The following UBE2L3 variants were observed in gnomAD, a reference collection of about 807,000 sequenced individuals.
UBE2L3 encodes the protein ubiquitin-conjugating enzyme E2 L3.
In UBE2L3, 1 loss-of-function variant was observed where a neutral mutation model predicts 17.8. That is an observed-to-expected ratio of 0.06 (90% CI 0.02 to 0.27). The LOEUF (loss-of-function observed/expected upper bound fraction) is 0.27, where lower values mean the gene tolerates loss of function less well. Among genes scored for constraint, UBE2L3 ranks in the 10% least tolerant of loss-of-function variants. The probability of loss-of-function intolerance (pLI) is 1.00; values close to 1 mark genes in which losing one functional copy is unlikely to be tolerated. For missense variants in UBE2L3, 40 were observed against 192.6 expected (o/e 0.21, Z 4.69); for synonymous variants, 44 against 68.5 (o/e 0.64, Z 1.76).
intron 1 of UBE2L3, among the ~76,000 whole-genome samples, chr22:21,574,699 G>T (rs1425906757): frequency 6.6e-6 from 1 of 152,200 alleles, no homozygotes; most frequent in Non-Finnish European, 1.5e-5. Context: ...AGGCGCGGTG[G>T]CTCATGCCTG....
At chr22:21,556,585 A>G (rs541826752) in intron 1 of UBE2L3, among the ~76,000 whole-genome samples, 3 of 150,566 alleles carry the variant, frequency 2.0e-5, no homozygotes, top group African/African-American at 2.4e-5. Context: ...TAGCACCACC[A>G]TGCCCGGCTA....
At chr22:21,617,426 C>G (rs915544405) in intron 3 of UBE2L3, among the ~76,000 whole-genome samples, 7 of 152,158 alleles carry the variant, frequency 4.6e-5, no homozygotes, top group Admixed American at 2.0e-4. Flanking sequence ...GCCACCACAC[C>G]TGGCTAGTTT....
upstream of UBE2L3, among the ~76,000 whole-genome samples, chr22:21,563,467 C>T (rs1342683894): frequency 3.5e-5 from 5 of 142,770 alleles, no homozygotes; most frequent in Middle Eastern, 7.8e-3. Flanking sequence ...GAGGCTGAGG[C>T]GGGAGAATGG....
At chr22:21,578,953 G>C (rs1425861187) in intron 1 of UBE2L3, among the ~76,000 whole-genome samples, 1 of 150,524 alleles carries the variant, frequency 6.6e-6, no homozygotes, top group African/African-American at 2.5e-5. Flanking sequence ...TATGATCATA[G>C]CTAAGTGTAT....
At chr22:21,562,428 G>T (rs1926474039) in intron 1 of UBE2L3, among the ~76,000 whole-genome samples, 1 of 149,738 alleles carries the variant, frequency 6.7e-6, no homozygotes, top group African/African-American at 2.5e-5. Context: ...CTGGAGTGCA[G>T]TGGCACAATC....
rs543799774 is a variant in UBE2L3, at chr22:21,556,704, C to T, written c.201+7054C>T. 2.0e-5 allele frequency among the ~76,000 whole-genome samples: 3 copies of T among 152,094 alleles called. No homozygotes were observed. The East Asian group carries it at 5.8e-4, about 29-fold the overall frequency. The stretch of plus-strand genomic sequence containing the variant: ...CTTAAACTCCTGACCTCGAGCAATC[C>T]ACCTGCCTCGGCCTCCCAAAGTACT... On this transcript the variant is annotated intron_variant, in intron 1 of 3. Coordinates refer to the UBE2L3 transcript ENST00000458578.
At chr22:21,605,255 G>A (rs1202507114) in intron 2 of UBE2L3, among the ~76,000 whole-genome samples, 1 of 152,166 alleles carries the variant, frequency 6.6e-6, no homozygotes, top group Admixed American at 6.6e-5. Context: ...GTGCAGTGGT[G>A]CAGTCTTGGC....
At chr22:21,567,971 C>CG in intron 1 of UBE2L3, 200 bp downstream of exon 1, 2 of 1,369,532 alleles carry the variant, frequency 1.5e-6, no homozygotes, top group South Asian at 3.5e-5. Context: ...CGCAAGGCCG[C>CG]GCTGGGAGCC....
chr22:21,596,646 T>C (rs1245634858), intron 2 of UBE2L3, among the ~76,000 whole-genome samples: 1 of 151,544 alleles, frequency 6.6e-6, no homozygotes, highest in Non-Finnish European at 1.5e-5. Context: ...TCAAGCAATT[T>C]TGGCTAATTT....
At chr22:21,578,962 ATTATTTATTTATTTATTTAT>A (rs201411923) in intron 1 of UBE2L3, among the ~76,000 whole-genome samples, 1 of 147,978 alleles carries the variant, frequency 6.8e-6, no homozygotes, top group Non-Finnish European at 1.5e-5. Context: ...AGCTAAGTGT[ATTATTTATTTATTTATTTAT>A]TTATTTATTT....
At chr22:21,599,588 A>G (rs1360675493) in intron 2 of UBE2L3, among the ~76,000 whole-genome samples, 3 of 152,270 alleles carry the variant, frequency 2.0e-5, no homozygotes, top group African/African-American at 7.2e-5. Context: ...GAGGGTGACA[A>G]TATCTGGACT....
intron 1 of UBE2L3, among the ~76,000 whole-genome samples, chr22:21,586,937 G>A (rs1454567688): frequency 6.8e-6 from 1 of 146,472 alleles, no homozygotes; most frequent in Non-Finnish European, 1.5e-5. Flanking sequence ...TGGAGTTGGA[G>A]TACAATGGTG....
chr22:21,606,316 TGTGTGTGTGTGTGTG>T (rs893250012), intron 2 of UBE2L3, among the ~76,000 whole-genome samples: 19 of 122,266 alleles, frequency 1.6e-4, no homozygotes, highest in Admixed American at 4.5e-4. Context: ...GTGTGTGGTA[TGTGTGTGTGTGTGTG>T]GTGTGTGTGT....
At chr22:21,586,840 C>T (rs992343197) in intron 1 of UBE2L3, among the ~76,000 whole-genome samples, 9 of 143,686 alleles carry the variant, frequency 6.3e-5, no homozygotes, top group East Asian at 4.2e-4. Flanking sequence ...AGTGTTGAAG[C>T]GTTGGAATTA....
chr22:21,556,969 G>A (rs1447256815), intron 1 of UBE2L3, among the ~76,000 whole-genome samples: 2 of 152,232 alleles, frequency 1.3e-5, no homozygotes, highest in Non-Finnish European at 2.9e-5. Flanking sequence ...CAGGAGAATT[G>A]CTTGAACTCA....
chr22:21,586,930 A>T (rs966556963), intron 1 of UBE2L3, among the ~76,000 whole-genome samples: 2 of 126,688 alleles, frequency 1.6e-5, no homozygotes, highest in Admixed American at 9.5e-5. Context: ...CCCAGGCTGG[A>T]GTTGGAGTAC....
At chr22:21,568,450 C>CA in intron 1 of UBE2L3, 1 of 984,628 alleles carries the variant, frequency 1.0e-6, no homozygotes. Flanking sequence ...CTCCTCCACT[C>CA]AGTCATCCCG....
intron 1 of UBE2L3, among the ~76,000 whole-genome samples, chr22:21,590,836 C>T (rs1210334429): frequency 6.6e-6 from 1 of 152,178 alleles, no homozygotes; most frequent in Admixed American, 6.5e-5. Context: ...ACCCCAGATT[C>T]CTTTTTCCTC....
At chr22:21,607,028 T>C (rs1929210579) in intron 2 of UBE2L3, among the ~76,000 whole-genome samples, 1 of 152,204 alleles carries the variant, frequency 6.6e-6, no homozygotes, top group African/African-American at 2.4e-5. Context: ...CTCAGCCTTA[T>C]GTCATCTTAT....
Sources: gnomAD v4.1 joint callset for allele counts (sites outside exome capture counted in the v4.1 genomes callset) on GRCh38, gnomAD v4.1.1 for gene constraint, MANE v1.5 for transcripts, NCBI Gene and HGNC (gene_info 2026-07-23, HGNC 2026-07-21) for gene names.